The following FGFR2 variants were observed in gnomAD, a reference collection of about 807,000 sequenced individuals.
FGFR2 encodes the protein BEK fibroblast growth factor receptor.
In FGFR2, 19 loss-of-function variants were observed where a neutral mutation model predicts 95.9. That is an observed-to-expected ratio of 0.20 (90% CI 0.14 to 0.29). The LOEUF (loss-of-function observed/expected upper bound fraction) is 0.29, where lower values mean the gene tolerates loss of function less well. Ranked by LOEUF, FGFR2 falls within the 10% of genes least tolerant of loss-of-function variation. FGFR2 has a pLI of 1.00. For missense variants in FGFR2, 707 were observed against 1,056.9 expected (o/e 0.67, Z 4.59); for synonymous variants, 392 against 393.3 (o/e 1.00, Z 0.04).
intron 4 of FGFR2, among the ~76,000 whole-genome samples, chr10:121,555,102 G>A (rs531485698): frequency 2.1e-4 from 32 of 152,258 alleles, no homozygotes; most frequent in Admixed American, 1.0e-3. Flanking sequence ...GGCCAGGCGC[G>A]GTGGCTCACG....
chr10:121,555,100 GCGGTGGCT>G (rs879937556), intron 4 of FGFR2, among the ~76,000 whole-genome samples: 2 of 152,146 alleles, frequency 1.3e-5, no homozygotes, highest in Admixed American at 1.3e-4. Flanking sequence ...CAGGCCAGGC[GCGGTGGCT>G]CACGCCTGTA....
At chr10:121,556,265 C>T (rs561197097) in intron 4 of FGFR2, among the ~76,000 whole-genome samples, 26 of 152,290 alleles carry the variant, frequency 1.7e-4, no homozygotes, top group African/African-American at 6.3e-4. Flanking sequence ...TTGATTCTGT[C>T]AACAAATGGT....
intron 2 of FGFR2, among the ~76,000 whole-genome samples, chr10:121,581,469 T>C (rs1005823868): frequency 6.0e-5 from 9 of 149,366 alleles, no homozygotes; most frequent in Admixed American, 6.8e-5. Flanking sequence ...TCAGGTGTGG[T>C]GGCTAACACC....
At chr10:121,582,698 G>A (rs749186560) in intron 2 of FGFR2, among the ~76,000 whole-genome samples, 5 of 152,058 alleles carry the variant, frequency 3.3e-5, no homozygotes, top group African/African-American at 4.8e-5. Context: ...CAGGAGAATC[G>A]CTTGAACCCG....
At chr10:121,506,357 CAAAAAAAA>C (rs10678814) in intron 9 of FGFR2, among the ~76,000 whole-genome samples, 2 of 101,174 alleles carry the variant, frequency 2.0e-5, no homozygotes, top group Non-Finnish European at 3.7e-5. Context: ...GACTCCGTCT[CAAAAAAAA>C]AAAAAAAAAA....
intron 17 of FGFR2, 36 bp downstream of exon 17, chr10:121,483,662 A>G: frequency 6.7e-7 from 1 of 1,498,206 alleles, no homozygotes; most frequent in South Asian, 1.1e-5. Context: ...TCACAAGACA[A>G]CCAAGGACAA....
intron 9 of FGFR2, among the ~76,000 whole-genome samples, chr10:121,506,688 C>T (rs891966706): frequency 6.6e-5 from 10 of 152,206 alleles, no homozygotes; most frequent in Non-Finnish European, 1.0e-4. Context: ...GGGAAGGCAG[C>T]TGTCCCACAG....
chr10:121,568,436 G>A (rs1316043640), intron 2 of FGFR2, among the ~76,000 whole-genome samples: 1 of 152,114 alleles, frequency 6.6e-6, no homozygotes, highest in Non-Finnish European at 1.5e-5. Context: ...AAATGTTATG[G>A]AATGTACTTT....
At chr10:121,596,175 T>A (rs1863402068) in intron 1 of FGFR2, among the ~76,000 whole-genome samples, 1 of 152,132 alleles carries the variant, frequency 6.6e-6, no homozygotes, top group African/African-American at 2.4e-5. Context: ...GGAACTCTCT[T>A]CTCAGCCTGC....
At chr10:121,582,801 A>T (rs1426265552) in intron 2 of FGFR2, among the ~76,000 whole-genome samples, 3 of 152,160 alleles carry the variant, frequency 2.0e-5, no homozygotes, top group African/African-American at 7.2e-5. Flanking sequence ...AAAGAAAAAA[A>T]AGAAAAAGGA....
chr10:121,508,454 C>T (rs987235703), intron 9 of FGFR2, among the ~76,000 whole-genome samples: 1 of 152,096 alleles, frequency 6.6e-6, no homozygotes, highest in Non-Finnish European at 1.5e-5. Flanking sequence ...TGAAGTTCAC[C>T]CCTCTATGGC....
chr10:121,578,157 C>G (rs941900384), intron 2 of FGFR2, among the ~76,000 whole-genome samples: 2 of 152,152 alleles, frequency 1.3e-5, no homozygotes, highest in African/African-American at 4.8e-5. Flanking sequence ...CCAGAGGAAT[C>G]TTCTGAAAAG....
Position 121,503,865 on chromosome 10 carries a change from G to GC in FGFR2, c.1363dup (p.Ala455GlyfsTer13). ...GACCCCTGCCAGCATGGGGGTGTCT[G>GC]CCGTTGAAGAGAGGCGTGTTGTTAT... On this transcript the variant is annotated frameshift_variant, in exon 10 of 18. Transcript: ENST00000358487. LOFTEE classifies it high-confidence loss of function. The GC allele has an allele frequency of 1.2e-6, 2 of 1,614,174 alleles. No homozygotes were observed. Among genetic ancestry groups the GC allele is most frequent in the Non-Finnish European group, 1.7e-6 (2 of 1,180,026 alleles).
chr10:121,565,168 C>G lies in FGFR2; in HGVS notation c.376+270G>C, dbSNP rs3135735. 4.4e-3 allele frequency among the ~76,000 whole-genome samples: 432 copies of G among 97,256 alleles called. 2 individuals carry two copies. Among genetic ancestry groups the G allele is most frequent in the Middle Eastern group, 0.014 (2 of 142 alleles). 63.8% of individuals were successfully genotyped at this position (97,256 alleles called of 152,430 possible). A position where few individuals can be genotyped will look rare whatever the true frequency, so the allele number is the denominator to read the frequency against. On this transcript the variant is annotated intron_variant, in intron 3 of 17. Coordinates refer to ENST00000358487, the MANE Select transcript of FGFR2 (RefSeq NM_000141.5). ...CCTATATTCTAAATGCCAGAGATGT[C>G]AGTGGTACAAAAAAAAAAAAAAAAA...
At chr10:121,515,071 G>A (rs2134217609) in intron 9 of FGFR2, 46 bp downstream of exon 9, 1 of 1,576,700 alleles carries the variant, frequency 6.3e-7, no homozygotes, top group Non-Finnish European at 8.7e-7. Flanking sequence ...AAGCTGGCTG[G>A]GTCATGGGGG....
At chr10:121,505,027 C>T (rs3135767) in intron 9 of FGFR2, among the ~76,000 whole-genome samples, 2 of 152,228 alleles carry the variant, frequency 1.3e-5, no homozygotes, top group Admixed American at 1.3e-4. Context: ...GCTCTGTCTC[C>T]TGCGTGACTG....
At chr10:121,498,683 T>C (rs1369582260) in intron 11 of FGFR2, 78 bp from the exon 12 acceptor site, 1 of 1,149,702 alleles carries the variant, frequency 8.7e-7, no homozygotes, top group Non-Finnish European at 1.3e-6. Flanking sequence ...GCCAAAGACT[T>C]AGTTGAAACA....
chr10:121,544,757 A>C (rs1317503397), intron 5 of FGFR2, among the ~76,000 whole-genome samples: 1 of 152,210 alleles, frequency 6.6e-6, no homozygotes. Context: ...ATGGTTGCAC[A>C]ACACCATGAA....
chr10:121,549,681 GA>G (rs918481336), intron 5 of FGFR2, among the ~76,000 whole-genome samples: 1 of 152,170 alleles, frequency 6.6e-6, no homozygotes, highest in Non-Finnish European at 1.5e-5. Flanking sequence ...GCTGCCCTAT[GA>G]AGAGGCCCGT....
Sources: allele counts gnomAD v4.1 joint callset (sites outside exome capture counted in the v4.1 genomes callset), GRCh38; gene constraint gnomAD v4.1.1; transcripts MANE v1.5; gene names NCBI Gene and HGNC (gene_info 2026-07-23, HGNC 2026-07-21).